Variants in BFAR observed in about 807,000 individuals in gnomAD.
BFAR encodes bifunctional apoptosis regulator, also known as RING finger protein 47.
Under a neutral mutation model 54.4 loss-of-function variants are expected in BFAR, and 52 were observed. The observed-to-expected ratio is 0.96, with a 90% CI of 0.77 to 1.21. The LOEUF (loss-of-function observed/expected upper bound fraction) is 1.21. Among genes scored for constraint, BFAR ranks in the 50% most tolerant of loss-of-function variants. The pLI is 0.00. For synonymous variants in BFAR, 215 were observed against 204.3 expected (o/e 1.05, Z -0.45); for missense variants, 571 against 534.0 (o/e 1.07, Z -0.68).
intron 4 of BFAR, among the ~76,000 whole-genome samples, chr16:14,652,061 A>C (rs917565967): frequency 6.6e-6 from 1 of 150,980 alleles, no homozygotes; most frequent in Admixed American, 6.6e-5. Context: ...TAATTTTTGT[A>C]TTTTTAGTAG....
At position 14,649,878 on chromosome 16, in the gene BFAR, A is replaced by G; in HGVS notation, c.543A>G (p.Lys181=). The change falls in exon 4 of 8, where the codon AAA becomes AAG. Residue 181 remains lysine, a synonymous_variant. Coordinates refer to ENST00000261658, the MANE Select transcript of BFAR (RefSeq NM_016561.3). ...HDLLVHKAVA[K]WTAEEVVLWL... The stretch of plus-strand genomic sequence containing the variant: ...TCCTGGTCCACAAGGCTGTGGCCAA[A>G]TGGACGGCGGAAGAAGTTGTCCTCT... 1 of 1,613,484 alleles carries G rather than the reference A, an allele frequency of 6.2e-7. No homozygotes were observed. The highest frequency in any genetic ancestry group is 8.5e-7 in the Non-Finnish European group (1 of 1,179,682).
intron 4 of BFAR, among the ~76,000 whole-genome samples, chr16:14,654,228 G>A (rs1489560384): frequency 6.6e-6 from 1 of 151,758 alleles, no homozygotes; most frequent in African/African-American, 2.4e-5. Context: ...AGCCAGGATG[G>A]TCTTGATCTC....
At chr16:14,637,197 T>A (rs1257437956) in intron 1 of BFAR, among the ~76,000 whole-genome samples, 1 of 150,866 alleles carries the variant, frequency 6.6e-6, no homozygotes. Context: ...TCCAAAATGC[T>A]GTGTGGTCAA....
chr16:14,657,069 C>T (rs1960148930), intron 5 of BFAR, among the ~76,000 whole-genome samples: 1 of 151,886 alleles, frequency 6.6e-6, no homozygotes, highest in Non-Finnish European at 1.5e-5. Flanking sequence ...TGCCACTGCA[C>T]TCCAGCCTGG....
At chr16:14,659,636 C>A (rs866851839) in intron 5 of BFAR, among the ~76,000 whole-genome samples, 1 of 151,844 alleles carries the variant, frequency 6.6e-6, no homozygotes, top group Non-Finnish European at 1.5e-5. Flanking sequence ...CTGCAAGCTC[C>A]GCCTCCTGGG....
chr16:14,640,221 A>G (rs1413611928), intron 1 of BFAR, among the ~76,000 whole-genome samples: 6 of 152,066 alleles, frequency 3.9e-5, no homozygotes. Context: ...AAAGCTAACT[A>G]GCCTAAAGCC....
rs1385021615 is a variant in BFAR at position 14,668,932 on chromosome 16, A to T, written c.*1105A>T. The T allele has an allele frequency of 8.8e-5, 22 of 250,246 alleles. No homozygotes were observed. In the Admixed American group the frequency reaches 1.0e-3, roughly 12 times the overall value. The allele number at this position is 250,246 out of a possible 1,614,324, so 15.5% of individuals were successfully genotyped here. A position where few individuals can be genotyped will look rare whatever the true frequency, so the allele number is the denominator to read the frequency against. On this transcript the variant is annotated 3_prime_UTR_variant, in exon 8 of 8. Coordinates refer to ENST00000261658, the MANE Select transcript of BFAR (RefSeq NM_016561.3). ...ATTGAGCTCACACTATATAATCTTT[A>T]TTGTCCTATCCTGATGTATAATACA... is the stretch of plus-strand genomic sequence containing the variant.
intron 1 of BFAR, among the ~76,000 whole-genome samples, chr16:14,642,035 C>T (rs930127531): frequency 1.3e-5 from 2 of 152,100 alleles, no homozygotes; most frequent in South Asian, 4.1e-4. Flanking sequence ...TGAGCCTCAC[C>T]GCTGGTAAAT....
Position 14,667,808 on chromosome 16 carries a change from T to A in BFAR, c.1334T>A (p.Leu445Gln). 6.2e-7 allele frequency: 1 copy of A among 1,614,182 alleles called. No individual in the cohort carries two copies. Residue 445 changes from leucine to glutamine, a missense_variant, in exon 8 of 8, where the codon CTG becomes CAG. Physicochemically the swap from Leu to Gln is moderately radical, Grantham distance 113. Coordinates refer to ENST00000261658, the MANE Select transcript of BFAR (RefSeq NM_016561.3). Reference sequence around the variant, plus strand: ...CTTGTGGTCAAGGAACTCCGGCGGCTGGAAACCCAGGTGTTGTGACTGGCA... The same window carrying A: ...CTTGTGGTCAAGGAACTCCGGCGGCAGGAAACCCAGGTGTTGTGACTGGCA... ...IDLVVKELRR[L>Q]ETQVL
chr16:14,664,726 C>T, intron 6 of BFAR, 143 bp from the exon 7 acceptor site: 1 of 765,536 alleles, frequency 1.3e-6, no homozygotes, highest in Non-Finnish European at 2.2e-6. Context: ...TCTTGAACTC[C>T]TTACCTCAGG....
Position 14,665,041 on chromosome 16 carries a change from T to C in BFAR, c.1130T>C (p.Phe377Ser), listed in dbSNP as rs896892517. Residue 377 changes from phenylalanine (F) to serine (S), a missense_variant, in exon 7 of 8, where the codon TTT becomes TCT. Physicochemically the swap from Phe to Ser is radical, Grantham distance 155 (BLOSUM62 -2). Coordinates refer to ENST00000261658, the MANE Select transcript of BFAR (RefSeq NM_016561.3). ...CTCTCAGTTCTGGAATTATTCTCCTTTTGGAGAATCTGGTCGAGAAGTGAA... is the reference window on the plus strand; with the variant it reads ...CTCTCAGTTCTGGAATTATTCTCCTCTTGGAGAATCTGGTCGAGAAGTGAA... ...MLLSVLELFS[F>S]WRIWSRSELK... 5.6e-6 allele frequency: 9 copies of C among 1,613,808 alleles called. No homozygotes were observed. The highest frequency in any genetic ancestry group is 7.6e-6 in the Non-Finnish European group (9 of 1,179,700).
At chr16:14,661,010 G>C (rs944481979) in intron 5 of BFAR, among the ~76,000 whole-genome samples, 1 of 152,102 alleles carries the variant, frequency 6.6e-6, no homozygotes, top group African/African-American at 2.4e-5. Flanking sequence ...GATTACAGGC[G>C]TGAGCCACCA....
intron 5 of BFAR, 42 bp downstream of exon 5, chr16:14,655,252 T>C: frequency 1.6e-6 from 2 of 1,252,934 alleles, no homozygotes; most frequent in East Asian, 3.0e-5. Context: ...ACTTTTTATT[T>C]TTATTTTTTG....
At chr16:14,633,342 G>C (rs1477001590) in intron 1 of BFAR, 1 of 152,402 alleles carries the variant, frequency 6.6e-6, no homozygotes, top group Non-Finnish European at 1.5e-5. Flanking sequence ...CGGGAAGGAG[G>C]AGGGGTCGCT....
At chr16:14,636,548 T>C (rs1014619679) in intron 1 of BFAR, among the ~76,000 whole-genome samples, 4 of 152,220 alleles carry the variant, frequency 2.6e-5, no homozygotes, top group African/African-American at 9.7e-5. Flanking sequence ...CCTATCTCAG[T>C]AGATGGAACA....
chr16:14,653,793 A>G (rs899264769), intron 4 of BFAR, among the ~76,000 whole-genome samples: 12 of 152,104 alleles, frequency 7.9e-5, no homozygotes, highest in African/African-American at 2.9e-4. Context: ...CTACAGCCTC[A>G]AAGTCCTGGG....
At position 14,665,078 on chromosome 16, in the gene BFAR, A is replaced by T. The variant is rs745832572; in HGVS notation, c.1160+7A>T. On this transcript the variant is annotated splice_region_variant and intron_variant, in intron 7 of 7. Coordinates refer to ENST00000261658, the MANE Select transcript of BFAR (RefSeq NM_016561.3). ...GGTCGAGAAGTGAACTGAAGTAAGT[A>T]TGTTTTAATGGTTGTCACAACAGGG... is the stretch of plus-strand genomic sequence containing the variant. 1 of 1,602,778 alleles carries T rather than the reference A, an allele frequency of 6.2e-7. No homozygotes were observed. The highest frequency in any genetic ancestry group is 1.1e-5 in the South Asian group (1 of 90,798).
intron 4 of BFAR, 103 bp from the exon 5 acceptor site, chr16:14,654,963 C>A: frequency 8.1e-7 from 1 of 1,237,724 alleles, no homozygotes; most frequent in Non-Finnish European, 1.1e-6. Context: ...TCTCACCATA[C>A]CTCAAGCCTA....
At chr16:14,663,424 C>T (rs561711413) in intron 6 of BFAR, among the ~76,000 whole-genome samples, 1 of 152,176 alleles carries the variant, frequency 6.6e-6, no homozygotes, top group African/African-American at 2.4e-5. Flanking sequence ...CTCCATCTCC[C>T]GGGTTCATGC....
Sources: allele counts gnomAD v4.1 joint callset (sites outside exome capture counted in the v4.1 genomes callset), GRCh38; gene constraint gnomAD v4.1.1; transcripts MANE v1.5; gene names NCBI Gene and HGNC (gene_info 2026-07-23, HGNC 2026-07-21).